ZNF385D: variants seen among roughly 807,000 people sequenced by gnomAD.
The protein encoded by ZNF385D is zinc finger protein 385D.
Under a neutral mutation model 35.8 loss-of-function variants are expected in ZNF385D, and 15 were observed. That is an observed-to-expected ratio of 0.42 (90% confidence interval 0.28 to 0.64). The LOEUF (loss-of-function observed/expected upper bound fraction) is 0.64. ZNF385D is among the 30% of genes least tolerant of loss of function. The pLI, the probability that ZNF385D is intolerant of heterozygous loss-of-function variation, is 0.23. For synonymous variants in ZNF385D, 212 were observed against 186.8 expected (o/e 1.13, Z -1.10); for missense variants, 474 against 494.6 (o/e 0.96, Z 0.39).
At chr3:22,048,945 C>G (rs1043162216) in intron 3 of ZNF385D, among the ~76,000 whole-genome samples, 1 of 152,024 alleles carries the variant, frequency 6.6e-6, no homozygotes, top group Non-Finnish European at 1.5e-5. Flanking sequence ...AATTTTTAGT[C>G]TACAGACTAT....
intron 3 of ZNF385D, among the ~76,000 whole-genome samples, chr3:21,833,728 C>A (rs1695147666): frequency 6.6e-6 from 1 of 152,172 alleles, no homozygotes; most frequent in African/African-American, 2.4e-5. Flanking sequence ...AAATGCTACG[C>A]TCTATAACTT....
chr3:21,442,405 C>T (rs1701906531), intron 4 of ZNF385D, among the ~76,000 whole-genome samples: 2 of 152,160 alleles, frequency 1.3e-5, no homozygotes, highest in African/African-American at 4.8e-5. Flanking sequence ...TTAAGTCTCA[C>T]TCAGACTTGC....
intron 3 of ZNF385D, among the ~76,000 whole-genome samples, chr3:21,815,650 T>C (rs937122208): frequency 5.9e-5 from 9 of 152,144 alleles, no homozygotes; most frequent in African/African-American, 1.9e-4. Context: ...AATCCCTGAA[T>C]AGACCAATAG....
At chr3:21,736,175 A>G (rs1350112759) in intron 1 of ZNF385D, among the ~76,000 whole-genome samples, 1 of 152,178 alleles carries the variant, frequency 6.6e-6, no homozygotes, top group Non-Finnish European at 1.5e-5. Context: ...CATTAAAACA[A>G]CAGCCTTGCT....
At chr3:21,940,158 G>A (rs536873766) in intron 3 of ZNF385D, among the ~76,000 whole-genome samples, 7 of 152,124 alleles carry the variant, frequency 4.6e-5, no homozygotes, top group Middle Eastern at 6.8e-3. Context: ...GACAAACCAC[G>A]AACTATGACG....
chr3:22,153,773 CTCT>C (rs1414922766), intron 3 of ZNF385D, among the ~76,000 whole-genome samples: 1 of 151,916 alleles, frequency 6.6e-6, no homozygotes, highest in African/African-American at 2.4e-5. Flanking sequence ...TAGCAACGGA[CTCT>C]GCATTTTTCA....
intron 3 of ZNF385D, among the ~76,000 whole-genome samples, chr3:21,830,509 T>C (rs1274160926): frequency 6.6e-6 from 1 of 152,226 alleles, no homozygotes; most frequent in Non-Finnish European, 1.5e-5. Flanking sequence ...TTGTTTGTAC[T>C]GTTGGTTGTT....
chr3:21,443,807 C>T (rs774978189), intron 4 of ZNF385D, among the ~76,000 whole-genome samples: 27 of 152,078 alleles, frequency 1.8e-4, no homozygotes, highest in Admixed American at 3.3e-4. Context: ...ATTTCCCAAG[C>T]CTTGTATGCA....
At chr3:22,288,768 CTTTTTA>C (rs1355154298) in intron 2 of ZNF385D, among the ~76,000 whole-genome samples, 2 of 152,002 alleles carry the variant, frequency 1.3e-5, no homozygotes, top group Admixed American at 6.6e-5. Context: ...ACATATTTCC[CTTTTTA>C]TTTTTATTGA....
intron 2 of ZNF385D, among the ~76,000 whole-genome samples, chr3:22,185,126 C>T (rs960005698): frequency 6.6e-6 from 1 of 152,124 alleles, no homozygotes; most frequent in Non-Finnish European, 1.5e-5. Flanking sequence ...GAGCAATCTA[C>T]TTTACTCGAT....
intron 1 of ZNF385D, among the ~76,000 whole-genome samples, chr3:21,734,275 A>G (rs2069143111): frequency 1.2e-5 from 1 of 85,066 alleles, no homozygotes; most frequent in Admixed American, 1.6e-4. Flanking sequence ...GGAAACCCAG[A>G]ACACTCAGGG....
intron 2 of ZNF385D, among the ~76,000 whole-genome samples, chr3:22,344,160 T>TGGGTA (rs1281098626): frequency 4.1e-5 from 5 of 121,220 alleles, no homozygotes; most frequent in African/African-American, 1.0e-4. Context: ...TATAGGCACA[T>TGGGTA]GGGTAGGGTG....
In ZNF385D at chr3:21,743,752, G is replaced by A. The variant is rs577499076; in HGVS notation, c.22+7143C>T. 8.5e-5 allele frequency among the ~76,000 whole-genome samples: 13 copies of A among 152,310 alleles called. No homozygotes were observed. The East Asian group carries it at 1.4e-3, about 16-fold the overall frequency. On this transcript the variant is annotated intron_variant, in intron 1 of 7. Coordinates refer to ENST00000281523, the MANE Select transcript of ZNF385D (RefSeq NM_024697.3). ...TAGGAATTAGGGCTTCAATTTATACGTTTGGGAAACAGGGACACAAACATT... is the reference window on the plus strand; with the variant it reads ...TAGGAATTAGGGCTTCAATTTATACATTTGGGAAACAGGGACACAAACATT...
chr3:22,325,463 C>T (rs948444208), intron 2 of ZNF385D, among the ~76,000 whole-genome samples: 14 of 152,114 alleles, frequency 9.2e-5, no homozygotes, highest in Non-Finnish European at 2.9e-5. Flanking sequence ...TGTATTTAAT[C>T]TGTTAAAATT....
chr3:21,716,799 T>C (rs1471333554), intron 1 of ZNF385D, among the ~76,000 whole-genome samples: 1 of 152,192 alleles, frequency 6.6e-6, no homozygotes, highest in Non-Finnish European at 1.5e-5. Flanking sequence ...TTTTTTGTTT[T>C]GTTTTGTTCA....
At chr3:22,179,141 T>C (rs1286218436) in intron 2 of ZNF385D, among the ~76,000 whole-genome samples, 1 of 152,192 alleles carries the variant, frequency 6.6e-6, no homozygotes, top group Non-Finnish European at 1.5e-5. Context: ...GGTAGCTTGA[T>C]GGGGATGGCA....
At chr3:22,269,967 G>A (rs1327424659) in intron 2 of ZNF385D, among the ~76,000 whole-genome samples, 3 of 151,740 alleles carry the variant, frequency 2.0e-5, no homozygotes, top group African/African-American at 4.8e-5. Flanking sequence ...GTAGTGTATA[G>A]CAGCACTTCT....
At chr3:22,303,040 A>C (rs946144535) in intron 2 of ZNF385D, among the ~76,000 whole-genome samples, 3 of 152,098 alleles carry the variant, frequency 2.0e-5, no homozygotes, top group African/African-American at 7.2e-5. Flanking sequence ...AATGTTGTTA[A>C]TTGCATTCTG....
chr3:21,488,648 C>A (rs1705199798), intron 4 of ZNF385D, among the ~76,000 whole-genome samples: 1 of 151,958 alleles, frequency 6.6e-6, no homozygotes, highest in African/African-American at 2.4e-5. Context: ...TCCCAATCAT[C>A]CTGAATCTCA....
Sources: allele counts gnomAD v4.1 joint callset (sites outside exome capture counted in the v4.1 genomes callset), GRCh38; gene constraint gnomAD v4.1.1; transcripts MANE v1.5; gene names NCBI Gene and HGNC (gene_info 2026-07-23, HGNC 2026-07-21).